The following SCN10A variants were observed in gnomAD, a reference collection of about 807,000 sequenced individuals.
SCN10A encodes the protein sodium voltage-gated channel alpha subunit 10.
Under a neutral mutation model 170.7 loss-of-function variants are expected in SCN10A, and 162 were observed. The ratio of observed to expected loss-of-function variants is 0.95; its 90% confidence interval spans 0.84 to 1.08. SCN10A has a LOEUF of 1.08. SCN10A is among the 50% of genes least tolerant of loss of function. The pLI is 0.00. For synonymous variants in SCN10A, 985 were observed against 904.6 expected (o/e 1.09, Z -1.59); for missense variants, 2,527 against 2,436.9 (o/e 1.04, Z -0.78).
intron 15 of SCN10A, among the ~76,000 whole-genome samples, chr3:38,738,644 G>A (rs977900772): frequency 6.6e-6 from 1 of 152,320 alleles, no homozygotes; most frequent in Non-Finnish European, 1.5e-5. Flanking sequence ...AGAGATTCCT[G>A]AGAGCAGGCG....
Position 38,737,331 on chromosome 3 carries a change from C to T in SCN10A, c.2280+2184G>A, listed in dbSNP as rs1447686564. On this transcript the variant is annotated intron_variant, in intron 15 of 27. Coordinates refer to ENST00000449082, the MANE Select transcript of SCN10A (RefSeq NM_006514.4). ...GGGTATGGGGGTGTGATATCTCCTG[C>T]TCTCTTGACGATTGTGCATAGGTAC... Among the ~76,000 whole-genome samples the T allele has an allele frequency of 2.0e-5, 3 of 152,126 alleles. No homozygotes were observed. In the East Asian group the frequency reaches 5.8e-4, roughly 29 times the overall value.
intron 26 of SCN10A, among the ~76,000 whole-genome samples, chr3:38,705,810 C>G (rs768496766): frequency 6.6e-6 from 1 of 152,158 alleles, no homozygotes; most frequent in African/African-American, 2.4e-5. Flanking sequence ...CAATCTTACT[C>G]CAGCCACAAG....
At chr3:38,768,435 T>C (rs2063957961) in intron 5 of SCN10A, among the ~76,000 whole-genome samples, 1 of 152,210 alleles carries the variant, frequency 6.6e-6, no homozygotes, top group Non-Finnish European at 1.5e-5. Context: ...GCTGGCTTGG[T>C]AGTGGAAAAT....
At chr3:38,769,676 C>T (rs917013037) in intron 5 of SCN10A, among the ~76,000 whole-genome samples, 1 of 152,168 alleles carries the variant, frequency 6.6e-6, no homozygotes, top group Non-Finnish European at 1.5e-5. Flanking sequence ...GGTTCCTTCT[C>T]ATTTGAGTAG....
intron 11 of SCN10A, among the ~76,000 whole-genome samples, chr3:38,754,353 C>G (rs911441299): frequency 1.3e-5 from 2 of 152,234 alleles, no homozygotes; most frequent in Non-Finnish European, 2.9e-5. Context: ...GCCTCCTCCA[C>G]CCAAATGGAA....
chr3:38,754,940 A>C (rs1259902214), intron 11 of SCN10A, among the ~76,000 whole-genome samples: 1 of 152,108 alleles, frequency 6.6e-6, no homozygotes. Flanking sequence ...TATCTGTCAG[A>C]CCTATAGAAA....
chr3:38,717,974 A>G (rs9990137), intron 21 of SCN10A, among the ~76,000 whole-genome samples: 64,743 of 152,076 alleles, frequency 0.43, 14,866 homozygotes, highest in East Asian at 0.72. Flanking sequence ...TAATGCAGGG[A>G]TTACTGGCCA....
chr3:38,765,181 T>C (rs2063918254), intron 5 of SCN10A, among the ~76,000 whole-genome samples: 1 of 152,230 alleles, frequency 6.6e-6, no homozygotes, highest in South Asian at 2.1e-4. Flanking sequence ...CTTGGATGAT[T>C]ATTTCTCTTG....
At chr3:38,709,011 T>C (rs2063241613) in intron 25 of SCN10A, among the ~76,000 whole-genome samples, 1 of 152,216 alleles carries the variant, frequency 6.6e-6, no homozygotes. Flanking sequence ...ATTCGATTCC[T>C]ATTAATCAGA....
intron 24 of SCN10A, among the ~76,000 whole-genome samples, chr3:38,709,987 G>C (rs1352204870): frequency 6.6e-6 from 1 of 152,184 alleles, no homozygotes; most frequent in Non-Finnish European, 1.5e-5. Context: ...ACTTGGGGGA[G>C]AAGTTGCTGC....
intron 4 of SCN10A, among the ~76,000 whole-genome samples, chr3:38,772,471 C>T (rs1046660017): frequency 6.6e-6 from 1 of 152,070 alleles, no homozygotes; most frequent in Non-Finnish European, 1.5e-5. Context: ...GGGCAGATTA[C>T]GAGGTCAGGA....
At chr3:38,794,418 T>G (rs1191842632) in intron 1 of SCN10A, among the ~76,000 whole-genome samples, 3 of 152,194 alleles carry the variant, frequency 2.0e-5, no homozygotes, top group Non-Finnish European at 4.4e-5. Context: ...TGGTTTATAG[T>G]CTACTTTATC....
intron 4 of SCN10A, among the ~76,000 whole-genome samples, chr3:38,786,449 A>AG (rs1460407880): frequency 6.6e-6 from 1 of 151,490 alleles, no homozygotes; most frequent in East Asian, 2.0e-4. Context: ...GGATACAGGG[A>AG]GGGGGACATC....
intron 4 of SCN10A, among the ~76,000 whole-genome samples, chr3:38,785,273 C>T (rs1489231622): frequency 6.6e-6 from 1 of 152,054 alleles, no homozygotes; most frequent in African/African-American, 2.4e-5. Context: ...GGTACTGGTA[C>T]CAAAACAGAT....
chr3:38,709,429 T>C (rs776012316), intron 25 of SCN10A, 49 bp downstream of exon 25: 3 of 1,557,026 alleles, frequency 1.9e-6, no homozygotes, highest in Non-Finnish European at 2.6e-6. Context: ...ACAGGAAATA[T>C]AAGGCTTACC....
chr3:38,793,678 T>A, intron 2 of SCN10A, 63 bp downstream of exon 2: 3 of 1,557,836 alleles, frequency 1.9e-6, no homozygotes, highest in Non-Finnish European at 2.6e-6. Context: ...CTTTCTGGGC[T>A]GGGTGGGACC....
chr3:38,739,527 C>G lies in SCN10A; in HGVS notation c.2268G>C (p.Arg756=), dbSNP rs1575982832. 1 of 1,613,746 alleles carries G rather than the reference C, an allele frequency of 6.2e-7. No homozygotes were observed. The highest frequency in any genetic ancestry group is 1.1e-5 in the South Asian group (1 of 90,940). Residue 756 remains arginine, a synonymous_variant, in exon 15 of 28, where the codon CGG becomes CGC. Coordinates refer to ENST00000449082, the MANE Select transcript of SCN10A (RefSeq NM_006514.4). ...VAKKGSLSVL[R]SFRLLRVFKL... ...AGAAAAACATTACCAAGCGGAAGCT[C>G]CGCAGCACAGACAGGCTTCCCTTCT...
intron 1 of SCN10A, among the ~76,000 whole-genome samples, chr3:38,802,041 C>T (rs1320534379): frequency 6.6e-6 from 1 of 152,108 alleles, no homozygotes; most frequent in African/African-American, 2.4e-5. Flanking sequence ...CTCTGTGTTC[C>T]CTATCTCAAT....
chr3:38,813,587 C>A (rs1177339286), intron 1 of SCN10A, among the ~76,000 whole-genome samples: 1 of 152,174 alleles, frequency 6.6e-6, no homozygotes, highest in Non-Finnish European at 1.5e-5. Context: ...CAGCTGAGTT[C>A]ACAAGGCCTA....
Sources: allele counts gnomAD v4.1 joint callset (sites outside exome capture counted in the v4.1 genomes callset), GRCh38; gene constraint gnomAD v4.1.1; transcripts MANE v1.5; gene names NCBI Gene and HGNC (gene_info 2026-07-23, HGNC 2026-07-21).